Variants in KRT39 observed in about 807,000 individuals in gnomAD.
KRT39 encodes the protein keratin, type I cytoskeletal 39.
In KRT39, 47 loss-of-function variants were observed where a neutral mutation model predicts 54.8. The ratio of observed to expected loss-of-function variants is 0.86; its 90% confidence interval spans 0.68 to 1.09. The LOEUF (loss-of-function observed/expected upper bound fraction) is 1.09, where lower values mean the gene tolerates loss of function less well. KRT39 is among the 50% of genes least tolerant of loss of function. The pLI is 0.00. For synonymous variants in KRT39, 207 were observed against 227.9 expected (o/e 0.91, Z 0.83); for missense variants, 580 against 598.5 (o/e 0.97, Z 0.32).
chr17:40,965,415 C>G (rs1911347623), intron 1 of KRT39, among the ~76,000 whole-genome samples: 1 of 151,894 alleles, frequency 6.6e-6, no homozygotes, highest in South Asian at 2.1e-4. Flanking sequence ...AAAATAAAAT[C>G]CATCCTAAAT....
chr17:40,961,786 C>T (rs1911160941), intron 5 of KRT39, among the ~76,000 whole-genome samples: 1 of 152,142 alleles, frequency 6.6e-6, no homozygotes, highest in Non-Finnish European at 1.5e-5. Context: ...AAATGCTTTG[C>T]ATATAATAAA....
Position 40,958,472 on chromosome 17 carries a change from T to C in KRT39, c.*129A>G. On this transcript the variant is annotated 3_prime_UTR_variant, in exon 7 of 7. Coordinates refer to ENST00000355612, the MANE Select transcript of KRT39 (RefSeq NM_213656.4). ...GAATAAAAGATATTCTACCTAGCAA[T>C]GGGGACCCGCTGTAGTAGTAAGAAA... is the stretch of plus-strand genomic sequence containing the variant. 1 of 953,120 alleles carries C rather than the reference T, an allele frequency of 1.0e-6. No homozygotes were observed. The allele number at this position is 953,120 out of a possible 1,614,324, so 59.0% of individuals were successfully genotyped here. A position where few individuals can be genotyped will look rare whatever the true frequency, so the allele number is the denominator to read the frequency against.
intron 6 of KRT39, 97 bp downstream of exon 6, chr17:40,960,184 G>A: frequency 9.5e-7 from 1 of 1,055,728 alleles, no homozygotes; most frequent in South Asian, 1.4e-5. Flanking sequence ...TGGCAAGAAG[G>A]TCAAACAAAG....
Position 40,966,639 on chromosome 17 carries a change from A to G in KRT39, c.218T>C (p.Met73Thr). 6.2e-7 allele frequency: 1 copy of G among 1,614,228 alleles called. No individual in the cohort carries two copies. Among genetic ancestry groups the G allele is most frequent in the Non-Finnish European group, 8.5e-7 (1 of 1,180,038 alleles). Residue 73 changes from methionine (M) to threonine (T), a missense_variant, in exon 1 of 7, where the codon ATG (methionine) becomes ACG (threonine). Physicochemically the swap from Met to Thr is moderately conservative, Grantham distance 81. Transcript: ENST00000355612. ...PRFCRKPIYL[M>T]NNFNARFSLD... ...AGAAAAACGGGCATTGAAGTTGTTC[A>G]TTAGGTAGATGGGCTTGCGACAAAA...
chr17:40,966,624 G>A lies in KRT39; in HGVS notation c.233C>T (p.Ala78Val), dbSNP rs1345326998. 5 of 1,614,046 alleles carry A rather than the reference G, an allele frequency of 3.1e-6. No homozygotes were observed. The East Asian group carries it at 1.1e-4, about 36-fold the overall frequency. The change falls in exon 1 of 7, where the codon GCC (alanine) becomes GTC (valine). Residue 78 changes from alanine (A) to valine (V), a missense_variant. By Grantham distance (64) the Ala-to-Val change is moderately conservative. Transcript: ENST00000355612. ...GCTGCAGTCATCCAGAGAAAAACGG[G>A]CATTGAAGTTGTTCATTAGGTAGAT... ...KPIYLMNNFN[A>V]RFSLDDCSWY...
At position 40,958,876 on chromosome 17, in the gene KRT39, C is replaced by T. The variant is rs1236038157; in HGVS notation, c.1218-17G>A. On this transcript the variant is annotated splice_polypyrimidine_tract_variant and intron_variant, in intron 6 of 6. Coordinates refer to ENST00000355612, the MANE Select transcript of KRT39 (RefSeq NM_213656.4). ...CAGGGACGCCTAAGGAAAAAAAACA[C>T]AATTTTAGCTGTGATTGAGGGAAGG... 21 of 1,560,706 alleles carry T rather than the reference C, an allele frequency of 1.3e-5. No homozygotes were observed. In the East Asian group the frequency reaches 3.9e-4, roughly 29 times the overall value.
At chr17:40,959,898 T>C (rs571549581) in intron 6 of KRT39, among the ~76,000 whole-genome samples, 1 of 152,364 alleles carries the variant, frequency 6.6e-6, no homozygotes, top group Admixed American at 6.5e-5. Context: ...TGGGTTGTTT[T>C]GTACAAGCTC....
Position 40,958,518 on chromosome 17 carries a change from G to A in KRT39, c.*83C>T. 12 of 1,472,170 alleles carry A rather than the reference G, an allele frequency of 8.2e-6. No individual in the cohort carries two copies. Among genetic ancestry groups the A allele is most frequent in the Non-Finnish European group, 1.1e-5 (12 of 1,094,038 alleles). 91.2% of individuals were successfully genotyped at this position (1,472,170 alleles called of 1,614,324 possible). A position where few individuals can be genotyped will look rare whatever the true frequency, so the allele number is the denominator to read the frequency against. Reference sequence around the variant, plus strand: ...AGAAACTAAGTACCTTAAGGGACTGGGGAGTTTTCTTAAACCTCTCTGGCA... The same window carrying A: ...AGAAACTAAGTACCTTAAGGGACTGAGGAGTTTTCTTAAACCTCTCTGGCA... On this transcript the variant is annotated 3_prime_UTR_variant, in exon 7 of 7. Coordinates refer to ENST00000355612, the MANE Select transcript of KRT39 (RefSeq NM_213656.4).
chr17:40,962,927 A>G (rs1379894131), intron 3 of KRT39, among the ~76,000 whole-genome samples: 7 of 152,216 alleles, frequency 4.6e-5, no homozygotes, highest in Admixed American at 4.6e-4. Flanking sequence ...ACTTGCACCA[A>G]TATTGACTTG....
intron 6 of KRT39, 86 bp from the exon 7 acceptor site, chr17:40,958,945 A>C: frequency 7.6e-7 from 1 of 1,308,130 alleles, no homozygotes; most frequent in Non-Finnish European, 1.1e-6. Flanking sequence ...AATTTTTTTA[A>C]CACGTGTTGC....
chr17:40,959,852 G>A (rs1325163464), intron 6 of KRT39, among the ~76,000 whole-genome samples: 1 of 152,184 alleles, frequency 6.6e-6, no homozygotes, highest in Admixed American at 6.5e-5. Context: ...AGGGTTAGGG[G>A]TTTCAGCCTG....
chr17:40,964,449 G>A lies in KRT39; in HGVS notation c.548C>T (p.Ala183Val). 6.2e-7 allele frequency: 1 copy of A among 1,613,914 alleles called. No homozygotes were observed. The highest frequency in any genetic ancestry group is 8.5e-7 in the Non-Finnish European group (1 of 1,179,812). Residue 183 changes from alanine to valine, a missense_variant, in exon 2 of 7, where the codon GCC becomes GTC. By Grantham distance (64) the Ala-to-Val change is moderately conservative. Coordinates refer to ENST00000355612, the MANE Select transcript of KRT39 (RefSeq NM_213656.4). ...NTKLTADDLR[A>V]KYEAEVSLRQ... ...TGACGGTGTTGGGTGGGCTTACTTG[G>A]CTCTCAAGTCATCTGCAGTCAGTTT...
At chr17:40,960,581 A>C (rs577474685) in intron 5 of KRT39, 80 bp from the exon 6 acceptor site, 4 of 1,088,468 alleles carry the variant, frequency 3.7e-6, no homozygotes, top group Non-Finnish European at 5.5e-6. Context: ...TTTAAAAAAA[A>C]TGGTTTCTTT....
Position 40,958,427 on chromosome 17 carries a change from G to T in KRT39, c.*174C>A. 1.7e-6 allele frequency: 1 copy of T among 575,494 alleles called. No individual in the cohort carries two copies. Among genetic ancestry groups the T allele is most frequent in the Non-Finnish European group, 3.0e-6 (1 of 338,176 alleles). 35.6% of individuals were successfully genotyped at this position (575,494 alleles called of 1,614,324 possible). A position where few individuals can be genotyped will look rare whatever the true frequency, so the allele number is the denominator to read the frequency against. ...TGTAATTTATTATCATGTTAGCAGT[G>T]GTGAGTTAGGGAAGGAGCAGAATAA... On this transcript the variant is annotated 3_prime_UTR_variant, in exon 7 of 7. Coordinates refer to ENST00000355612, the MANE Select transcript of KRT39 (RefSeq NM_213656.4).
At chr17:40,963,820 AG>A (rs1437466025) in intron 2 of KRT39, 37 bp from the exon 3 acceptor site, 2 of 1,536,014 alleles carry the variant, frequency 1.3e-6, no homozygotes, top group African/African-American at 2.7e-5. Flanking sequence ...GACATCTGAA[AG>A]GAGATGATGC....
At chr17:40,960,156 G>C (rs1349892151) in intron 6 of KRT39, 125 bp downstream of exon 6, 2 of 774,972 alleles carry the variant, frequency 2.6e-6, no homozygotes, top group African/African-American at 1.7e-5. Context: ...GGATGCCTCT[G>C]TCCAAGCTCC....
intron 6 of KRT39, among the ~76,000 whole-genome samples, chr17:40,959,589 G>A (rs1663936240): frequency 2.6e-5 from 4 of 152,186 alleles, no homozygotes; most frequent in African/African-American, 9.6e-5. Context: ...ATGTGGTCAT[G>A]CCAATTAAAA....
chr17:40,965,912 T>C (rs1396370146), intron 1 of KRT39, among the ~76,000 whole-genome samples: 1 of 152,100 alleles, frequency 6.6e-6, no homozygotes, highest in East Asian at 1.9e-4. Context: ...AAAGACATAG[T>C]CTCACTTTTG....
chr17:40,960,252 G>T, intron 6 of KRT39, 29 bp downstream of exon 6: 2 of 1,585,518 alleles, frequency 1.3e-6, no homozygotes, highest in African/African-American at 1.3e-5. Flanking sequence ...ACACTTTTTT[G>T]TCATAGAAGT....
Sources: allele counts gnomAD v4.1 joint callset (sites outside exome capture counted in the v4.1 genomes callset), GRCh38; gene constraint gnomAD v4.1.1; transcripts MANE v1.5; gene names NCBI Gene and HGNC (gene_info 2026-07-23, HGNC 2026-07-21).